KDM4C: variants seen among roughly 807,000 people sequenced by gnomAD.
The protein encoded by KDM4C is lysine demethylase 4C.
Under a neutral mutation model 129.3 loss-of-function variants are expected in KDM4C, and 81 were observed. The ratio of observed to expected loss-of-function variants is 0.63; its 90% CI spans 0.52 to 0.75. KDM4C has a LOEUF of 0.75. Among genes scored for constraint, KDM4C ranks in the 30% least tolerant of loss-of-function variants. The probability of loss-of-function intolerance (pLI) is 0.00; values close to 1 mark genes in which losing one functional copy is unlikely to be tolerated. For synonymous variants in KDM4C, 573 were observed against 456.1 expected (o/e 1.26, Z -3.26); for missense variants, 1,457 against 1,304.0 (o/e 1.12, Z -1.81).
intron 15 of KDM4C, among the ~76,000 whole-genome samples, chr9:7,031,391 C>A (rs1826733811): frequency 6.6e-6 from 1 of 152,076 alleles, no homozygotes. Flanking sequence ...AAACTCCTGA[C>A]CTCTGGTGGT....
At chr9:6,908,656 C>T (rs1364615627) in intron 8 of KDM4C, among the ~76,000 whole-genome samples, 1 of 150,988 alleles carries the variant, frequency 6.6e-6, no homozygotes, top group Non-Finnish European at 1.5e-5. Context: ...GCAAAGAGGC[C>T]TCTTTTTGCT....
chr9:7,080,447 G>C (rs1323126709), intron 17 of KDM4C, among the ~76,000 whole-genome samples: 1 of 152,200 alleles, frequency 6.6e-6, no homozygotes, highest in Non-Finnish European at 1.5e-5. Context: ...CCATTGTATA[G>C]TTGGGACTGT....
intron 18 of KDM4C, among the ~76,000 whole-genome samples, chr9:7,115,036 G>A (rs903757500): frequency 1.3e-5 from 2 of 152,002 alleles, no homozygotes; most frequent in African/African-American, 4.8e-5. Flanking sequence ...CCAAGATTGC[G>A]CCACTGCACT....
chr9:6,734,680 C>G (rs948555829), intron 1 of KDM4C: 1 of 304,990 alleles, frequency 3.3e-6, no homozygotes, highest in Non-Finnish European at 6.4e-6. Flanking sequence ...GAGGCTGACT[C>G]CTTTCACAGT....
At chr9:6,828,820 G>A (rs1176564428) in intron 4 of KDM4C, among the ~76,000 whole-genome samples, 3 of 152,244 alleles carry the variant, frequency 2.0e-5, no homozygotes, top group Admixed American at 6.5e-5. Flanking sequence ...GGCATGAGCC[G>A]AGATGGCGCC....
intron 8 of KDM4C, among the ~76,000 whole-genome samples, chr9:6,964,072 T>G (rs1830479662): frequency 1.3e-5 from 2 of 152,240 alleles, no homozygotes; most frequent in Non-Finnish European, 2.9e-5. Flanking sequence ...ATCTTTGCTT[T>G]CTTTATTGTC....
intron 8 of KDM4C, among the ~76,000 whole-genome samples, chr9:6,960,146 C>T (rs1463496292): frequency 6.6e-6 from 1 of 152,090 alleles, no homozygotes; most frequent in African/African-American, 2.4e-5. Flanking sequence ...ATATTCCTTT[C>T]CCCATTCCCT....
At chr9:6,826,731 G>A (rs1833943148) in intron 4 of KDM4C, among the ~76,000 whole-genome samples, 1 of 152,052 alleles carries the variant, frequency 6.6e-6, no homozygotes, top group South Asian at 2.1e-4. Context: ...GCCAGGCATG[G>A]TGGCAGGGAC....
At chr9:7,118,894 T>G (rs1417489733) in intron 18 of KDM4C, among the ~76,000 whole-genome samples, 2 of 152,088 alleles carry the variant, frequency 1.3e-5, no homozygotes, top group East Asian at 1.9e-4. Context: ...TAAACACAGG[T>G]CAGCCTTGCC....
chr9:7,107,586 A>G (rs528021484), intron 18 of KDM4C, among the ~76,000 whole-genome samples: 16 of 152,374 alleles, frequency 1.1e-4, no homozygotes, highest in Non-Finnish European at 2.1e-4. Context: ...AATTCACTGC[A>G]ATGAACATGG....
At chr9:6,921,131 G>C (rs1339750529) in intron 8 of KDM4C, among the ~76,000 whole-genome samples, 3 of 151,750 alleles carry the variant, frequency 2.0e-5, no homozygotes, top group African/African-American at 7.3e-5. Flanking sequence ...TGATACCTTC[G>C]AGAGCTTTAG....
intron 8 of KDM4C, among the ~76,000 whole-genome samples, chr9:6,939,976 A>ACCTTTCTTCCTTCCTTCCTT (rs1825581494): frequency 2.1e-5 from 2 of 93,480 alleles, no homozygotes; most frequent in African/African-American, 8.3e-5. Flanking sequence ...CTACCTACCT[A>ACCTTTCTTCCTTCCTTCCTT]CCTTCCTTCC....
chr9:6,738,706 G>T (rs1347378198), intron 1 of KDM4C, among the ~76,000 whole-genome samples: 1 of 151,776 alleles, frequency 6.6e-6, no homozygotes, highest in Admixed American at 6.6e-5. Flanking sequence ...CAGCCTCTTG[G>T]GTAGCTAGGA....
At position 7,170,025 on chromosome 9, in the gene KDM4C, T is replaced by C. The variant is rs1179503841; in HGVS notation, c.2994+135T>C. The C allele has an allele frequency of 2.6e-6, 4 of 1,540,394 alleles. No individual in the cohort carries two copies. In the African/African-American group the frequency reaches 5.5e-5, roughly 21 times the overall value. ...AAAAAAGCCAATGCAACATTTTCCT[T>C]AGTGGAACCTATTGAATGCAAACTT... On this transcript the variant is annotated intron_variant, in intron 21 of 21. Coordinates refer to ENST00000381309, the MANE Select transcript of KDM4C (RefSeq NM_015061.6).
intron 18 of KDM4C, among the ~76,000 whole-genome samples, chr9:7,123,419 G>A (rs546065336): frequency 1.3e-5 from 2 of 152,188 alleles, no homozygotes; most frequent in South Asian, 4.1e-4. Flanking sequence ...GGATAAATAG[G>A]GATATCACTC....
At chr9:7,150,564 C>G (rs1012827999) in intron 19 of KDM4C, among the ~76,000 whole-genome samples, 3 of 152,138 alleles carry the variant, frequency 2.0e-5, no homozygotes, top group South Asian at 2.1e-4. Context: ...CAGTGCTGAG[C>G]TCAGTCCCTG....
chr9:6,952,992 T>G (rs1338001407), intron 8 of KDM4C, among the ~76,000 whole-genome samples: 1 of 152,220 alleles, frequency 6.6e-6, no homozygotes, highest in African/African-American at 2.4e-5. Context: ...TGTGATGTCA[T>G]TTTAAAAATG....
At chr9:7,154,137 C>G (rs1296715212) in intron 19 of KDM4C, among the ~76,000 whole-genome samples, 1 of 152,156 alleles carries the variant, frequency 6.6e-6, no homozygotes, top group Admixed American at 6.5e-5. Context: ...AGCTCAGCCC[C>G]CATTAGACTG....
At chr9:7,004,795 C>G (rs137924888) in intron 12 of KDM4C, among the ~76,000 whole-genome samples, 162 of 152,272 alleles carry the variant, frequency 1.1e-3, no homozygotes, top group African/African-American at 3.8e-3. Flanking sequence ...CTGTTCTAAT[C>G]TGTGTTGTCA....
Sources: gnomAD v4.1 joint callset for allele counts (sites outside exome capture counted in the v4.1 genomes callset) on GRCh38, gnomAD v4.1.1 for gene constraint, MANE v1.5 for transcripts, NCBI Gene and HGNC (gene_info 2026-07-23, HGNC 2026-07-21) for gene names.